Variants in MCMDC2 observed in about 807,000 individuals in gnomAD.
MCMDC2 encodes minichromosome maintenance domain containing 2.
MCMDC2 carries 54 observed loss-of-function variants against 75.8 expected under a neutral mutation model. That is an observed-to-expected ratio of 0.71 (90% CI 0.57 to 0.89). The LOEUF (loss-of-function observed/expected upper bound fraction) is 0.89, where lower values mean the gene tolerates loss of function less well. Among genes scored for constraint, MCMDC2 ranks in the 40% least tolerant of loss-of-function variants. The probability of loss-of-function intolerance (pLI) is 0.00; values close to 1 mark genes in which losing one functional copy is unlikely to be tolerated. For missense variants in MCMDC2, 656 were observed against 780.4 expected (o/e 0.84, Z 1.90); for synonymous variants, 249 against 274.6 (o/e 0.91, Z 0.92).
intron 14 of MCMDC2, among the ~76,000 whole-genome samples, chr8:66,913,225 T>C (rs775856962): frequency 1.8e-4 from 27 of 152,210 alleles, no homozygotes; most frequent in Admixed American, 5.9e-4. Flanking sequence ...TTAAGGTATG[T>C]TTGCATCTTA....
chr8:66,913,376 G>A (rs948375252), intron 14 of MCMDC2, among the ~76,000 whole-genome samples: 1 of 152,090 alleles, frequency 6.6e-6, no homozygotes, highest in Non-Finnish European at 1.5e-5. Context: ...AACTGAACCT[G>A]CAATATCTCT....
chr8:66,915,677 T>C (rs1198710587), intron 14 of MCMDC2, among the ~76,000 whole-genome samples: 1 of 151,766 alleles, frequency 6.6e-6, no homozygotes, highest in East Asian at 1.9e-4. Context: ...ATCTGGAGCT[T>C]AGAGAAAAGC....
At chr8:66,915,191 G>A (rs1248035911) in intron 14 of MCMDC2, among the ~76,000 whole-genome samples, 4 of 152,040 alleles carry the variant, frequency 2.6e-5, no homozygotes, top group South Asian at 4.2e-4. Flanking sequence ...GGCCAGGAGC[G>A]GTGGCTCACG....
chr8:66,884,866 T>C (rs1052294024), intron 9 of MCMDC2, among the ~76,000 whole-genome samples: 1 of 152,026 alleles, frequency 6.6e-6, no homozygotes, highest in Non-Finnish European at 1.5e-5. Context: ...AGCCTCAACC[T>C]CCTGGGCTCA....
rs748637246 is a variant in MCMDC2, at chr8:66,896,353, T to G, written c.1446+17T>G. 3.1e-5 allele frequency: 48 copies of G among 1,551,680 alleles called. No individual in the cohort carries two copies. The highest frequency in any genetic ancestry group is 3.8e-5 in the Non-Finnish European group (44 of 1,157,772). On this transcript the variant is annotated intron_variant, in intron 11 of 14. Coordinates refer to ENST00000422365, the MANE Select transcript of MCMDC2 (RefSeq NM_173518.5). The stretch of plus-strand genomic sequence containing the variant: ...GGTCAGATGGTAAGGTATATGTATA[T>G]TTTATTGTTAGAATGTTGTTCAAGG...
chr8:66,874,180 C>G lies in MCMDC2; in HGVS notation c.40C>G (p.Leu14Val). 2 of 1,610,100 alleles carry G rather than the reference C, an allele frequency of 1.2e-6. No individual in the cohort carries two copies. The highest frequency in any genetic ancestry group is 1.7e-6 in the Non-Finnish European group (2 of 1,178,894). ...LKMKEAALIYLDRSGGLQKFI... is the reference protein window; with the variant it reads ...LKMKEAALIYVDRSGGLQKFI... The stretch of plus-strand genomic sequence containing the variant: ...AATGAAAGAGGCGGCCCTCATCTAT[C>G]TTGACAGAAGTGGAGGCCTCCAAAA... Residue 14 changes from leucine (L) to valine (V), a missense_variant, in exon 2 of 15, where the codon CTT (leucine) becomes GTT (valine). Physicochemically the swap from Leu to Val is conservative, Grantham distance 32. Transcript: ENST00000422365.
At position 66,917,335 on chromosome 8, in the gene MCMDC2, T is replaced by G. The variant is rs1484065580; in HGVS notation, c.1880-1668T>G. Among the ~76,000 whole-genome samples, 3 of 152,206 alleles carry G rather than the reference T, an allele frequency of 2.0e-5. No homozygotes were observed. The East Asian group carries it at 5.8e-4, about 29-fold the overall frequency. ...AAACTGTACTCTTGGCCTGTCACAT[T>G]AAGTACTTGTTCAATGAATTAATGA... On this transcript the variant is annotated intron_variant, in intron 14 of 14. Transcript: ENST00000422365.
At chr8:66,885,893 A>C (rs570252550) in intron 9 of MCMDC2, among the ~76,000 whole-genome samples, 1 of 152,290 alleles carries the variant, frequency 6.6e-6, no homozygotes, top group African/African-American at 2.4e-5. Flanking sequence ...AGTCTCTCTT[A>C]CTCAACAAAA....
intron 9 of MCMDC2, among the ~76,000 whole-genome samples, chr8:66,886,226 A>T (rs1418587312): frequency 1.4e-5 from 2 of 143,034 alleles, no homozygotes; most frequent in Non-Finnish European, 3.0e-5. Flanking sequence ...GTGCAATGGC[A>T]CCATCTTGGC....
intron 14 of MCMDC2, among the ~76,000 whole-genome samples, chr8:66,915,493 ATT>A (rs1339102000): frequency 1.4e-5 from 2 of 143,162 alleles, no homozygotes; most frequent in Non-Finnish European, 3.0e-5. Context: ...ATATTTATAT[ATT>A]TATATATGTT....
chr8:66,894,411 G>A (rs1485859263), intron 10 of MCMDC2, among the ~76,000 whole-genome samples: 1 of 152,140 alleles, frequency 6.6e-6, no homozygotes, highest in Admixed American at 6.5e-5. Context: ...GGAAAGATAG[G>A]GCAAATCCAT....
chr8:66,907,556 T>C (rs1273233791), intron 14 of MCMDC2, among the ~76,000 whole-genome samples: 22 of 152,212 alleles, frequency 1.4e-4, no homozygotes, highest in Non-Finnish European at 2.6e-4. Flanking sequence ...GTCTTTATAG[T>C]AGAATGATTT....
In MCMDC2 at chr8:66,872,957, C is replaced by CAAA. The variant is rs749748721; in HGVS notation, c.-88-1076_-88-1074dup. 7.1e-3 allele frequency among the ~76,000 whole-genome samples: 263 copies of CAAA among 37,284 alleles called. 3 individuals carry two copies. The highest frequency in any genetic ancestry group is 8.8e-3 in the African/African-American group (93 of 10,624). The allele number at this position is 37,284 out of a possible 152,430, so 24.5% of individuals were successfully genotyped here. ...GGGCGACAGAGTTGGGACTCCATCT[C>CAAA]AAAAAAAAAAAAAAAAAAAAAACAA... On this transcript the variant is annotated intron_variant, in intron 1 of 14. Transcript: ENST00000422365.
downstream of MCMDC2, among the ~76,000 whole-genome samples, chr8:66,924,935 C>T (rs1813674340): frequency 6.6e-6 from 1 of 152,154 alleles, no homozygotes; most frequent in African/African-American, 2.4e-5. Context: ...GTTTCAAAGC[C>T]ACTCACAAAG....
intron 14 of MCMDC2, among the ~76,000 whole-genome samples, chr8:66,913,963 A>T (rs1585913311): frequency 1.0e-5 from 1 of 96,360 alleles, no homozygotes; most frequent in South Asian, 3.1e-4. Context: ...GACTCTGTCT[A>T]AAAAAAAAAA....
At position 66,876,757 on chromosome 8, in the gene MCMDC2, A is replaced by ATGGAGTCTCACTCTGTCACCCAGGC. The variant is rs200077635; in HGVS notation, c.286-575_286-551dup. Among the ~76,000 whole-genome samples the ATGGAGTCTCACTCTGTCACCCAGGC allele has an allele frequency of 2.0e-5, 3 of 151,126 alleles. No individual in the cohort carries two copies. In the South Asian group the frequency reaches 6.3e-4, roughly 32 times the overall value. Reference sequence around the variant, plus strand: ...TTTATTTATTTTATTTTATTTTGAGATGGAGTCTCACTCTGTCACCCAGGC... The same window carrying ATGGAGTCTCACTCTGTCACCCAGGC: ...TTTATTTATTTTATTTTATTTTGAGATGGAGTCTCACTCTGTCACCCAGGCTGGAGTCTCACTCTGTCACCCAGGC... On this transcript the variant is annotated intron_variant, in intron 4 of 14. Coordinates refer to ENST00000422365, the MANE Select transcript of MCMDC2 (RefSeq NM_173518.5).
chr8:66,883,404 T>A (rs1811684494), intron 8 of MCMDC2, among the ~76,000 whole-genome samples: 1 of 152,228 alleles, frequency 6.6e-6, no homozygotes, highest in Non-Finnish European at 1.5e-5. Context: ...ACAGCCAATC[T>A]ATGTGGACAC....
Position 66,896,913 on chromosome 8 carries a change from TGTTTTATGCGGCTTCTAGACA to T in MCMDC2, c.1584_1604del (p.Tyr529_Phe535del), listed in dbSNP as rs749126444. 2.5e-6 allele frequency: 4 copies of T among 1,612,536 alleles called. No homozygotes were observed. The highest frequency in any genetic ancestry group is 3.4e-6 in the Non-Finnish European group (4 of 1,179,384). On this transcript the variant is annotated inframe_deletion, in exon 12 of 15. Transcript: ENST00000422365. ...AACAAAGCCATTAATCCTGAAGGGC[TGTTTTATGCGGCTTCTAGACA>T]GTTCACAACTGAAGATTTTGAAAAG... is the stretch of plus-strand genomic sequence containing the variant.
chr8:66,891,762 G>A (rs992865233), intron 10 of MCMDC2, among the ~76,000 whole-genome samples: 12 of 152,280 alleles, frequency 7.9e-5, no homozygotes, highest in South Asian at 4.1e-4. Context: ...GCGGAGCAGC[G>A]AGGGGTGTGT....
Sources: gnomAD v4.1 joint callset for allele counts (sites outside exome capture counted in the v4.1 genomes callset) on GRCh38, gnomAD v4.1.1 for gene constraint, MANE v1.5 for transcripts, NCBI Gene and HGNC (gene_info 2026-07-23, HGNC 2026-07-21) for gene names.